The following HIBCH variants were observed in gnomAD, a reference collection of about 807,000 sequenced individuals.
The protein encoded by HIBCH is 3-hydroxyisobutyryl-CoA hydrolase, mitochondrial.
Under a neutral mutation model 58.2 loss-of-function variants are expected in HIBCH, and 50 were observed. The ratio of observed to expected loss-of-function variants is 0.86; its 90% CI spans 0.68 to 1.09. The LOEUF (loss-of-function observed/expected upper bound fraction) is 1.09. Ranked by LOEUF, HIBCH falls within the 50% of genes least tolerant of loss-of-function variation. The pLI, the probability that HIBCH is intolerant of heterozygous loss-of-function variation, is 0.00. For missense variants in HIBCH, 450 were observed against 449.7 expected, an observed-to-expected ratio of 1.00 and a Z score of -0.01; for synonymous variants, 151 against 146.9, an observed-to-expected ratio of 1.03 and a Z score of -0.20.
At chr2:190,308,966 C>T (rs1013991959) in intron 2 of HIBCH, among the ~76,000 whole-genome samples, 2 of 152,238 alleles carry the variant, frequency 1.3e-5, no homozygotes, top group Non-Finnish European at 2.9e-5. Context: ...TGTTACTTAG[C>T]CTCCCTGTCC....
chr2:190,315,177 G>T lies in HIBCH; in HGVS notation c.36-4381C>A, dbSNP rs936707030. ...TTAGCCAGCATGGTCATGATCTCCTGACTTCTTTCTTGATCCGCCCGCCTC... is the reference window on the plus strand; with the variant it reads ...TTAGCCAGCATGGTCATGATCTCCTTACTTCTTTCTTGATCCGCCCGCCTC... On this transcript the variant is annotated intron_variant, in intron 1 of 13. Transcript: ENST00000359678. The surrounding 1 kb of genome is among the most constrained non-coding windows in gnomAD (Gnocchi z 5.4). 6.6e-6 allele frequency among the ~76,000 whole-genome samples: 1 copy of T among 151,762 alleles called. No homozygotes were observed. Among genetic ancestry groups the T allele is most frequent in the Non-Finnish European group, 1.5e-5 (1 of 67,934 alleles).
At chr2:190,269,024 G>A (rs1687316405) in intron 6 of HIBCH, among the ~76,000 whole-genome samples, 1 of 152,162 alleles carries the variant, frequency 6.6e-6, no homozygotes, top group Non-Finnish European at 1.5e-5. Context: ...AAACTGGTTA[G>A]CCATGTGCAG....
chr2:190,306,826 C>T lies in HIBCH; in HGVS notation c.78+3928G>A, dbSNP rs1034036505. On this transcript the variant is annotated intron_variant, in intron 2 of 13. Coordinates refer to ENST00000359678, the MANE Select transcript of HIBCH (RefSeq NM_014362.4). The surrounding 1 kb of genome is among the most constrained non-coding windows in gnomAD (Gnocchi z 4.6). ...TGAGAGGTAATTAGGTCATGTCAGC[C>T]CTCATGAATGAGATTAACGCCCTTA... Among the ~76,000 whole-genome samples the T allele has an allele frequency of 6.6e-6, 1 of 152,054 alleles. No individual in the cohort carries two copies. The highest frequency in any genetic ancestry group is 2.4e-5 in the African/African-American group (1 of 41,396).
chr2:190,310,522 G>A (rs1443798467), intron 2 of HIBCH, among the ~76,000 whole-genome samples: 3 of 152,170 alleles, frequency 2.0e-5, no homozygotes, highest in African/African-American at 7.2e-5. Context: ...AGATTAAGTA[G>A]TGAACCCATT....
At chr2:190,287,708 C>T in intron 5 of HIBCH, 70 bp from the exon 6 acceptor site, 2 of 1,146,102 alleles carry the variant, frequency 1.7e-6, no homozygotes, top group Admixed American at 3.7e-5. Flanking sequence ...AAAAAAAAAC[C>T]CACATTATAT....
rs747515363 is a variant in HIBCH at position 190,244,952 on chromosome 2, T to C, written c.826A>G (p.Thr276Ala). Residue 276 changes from threonine to alanine, a missense_variant, in exon 11 of 14, where the codon ACT becomes GCT. By Grantham distance (58) the Thr-to-Ala change is moderately conservative. Transcript: ENST00000359678. Reference sequence around the variant, plus strand: ...AAGTTTTCAATAATTTCTTCCACAGTATTGGCTGAAAAACAACTATAAAAA... The same window carrying C: ...AAGTTTTCAATAATTTCTTCCACAGCATTGGCTGAAAAACAACTATAAAAA... ...DKINSCFSAN[T>A]VEEIIENLQQ... is the part of the protein sequence containing the mutation. 6.2e-7 allele frequency: 1 copy of C among 1,606,626 alleles called. No individual in the cohort carries two copies. Among genetic ancestry groups the C allele is most frequent in the South Asian group, 1.1e-5 (1 of 90,926 alleles).
At chr2:190,234,417 C>T (rs1686201718) in intron 11 of HIBCH, among the ~76,000 whole-genome samples, 1 of 152,134 alleles carries the variant, frequency 6.6e-6, no homozygotes, top group African/African-American at 2.4e-5. Context: ...AAATGTCCAA[C>T]AGTAGAAATG....
intron 7 of HIBCH, among the ~76,000 whole-genome samples, chr2:190,259,842 C>A (rs993438386): frequency 3.9e-5 from 6 of 152,128 alleles, no homozygotes; most frequent in South Asian, 4.1e-4. Context: ...TTATTTCTTT[C>A]TCTTGCCTAA....
intron 11 of HIBCH, among the ~76,000 whole-genome samples, chr2:190,241,988 T>C (rs1387953611): frequency 2.0e-5 from 3 of 152,154 alleles, no homozygotes; most frequent in Non-Finnish European, 4.4e-5. Context: ...TCTCTGTATT[T>C]CCTGAATTTG....
intron 6 of HIBCH, among the ~76,000 whole-genome samples, chr2:190,261,683 C>CTAGCT (rs1477509807): frequency 6.6e-6 from 1 of 152,170 alleles, no homozygotes; most frequent in African/African-American, 2.4e-5. Flanking sequence ...ATCACCTGGC[C>CTAGCT]TAGCTGACCT....
At chr2:190,266,197 C>A (rs1384452251) in intron 6 of HIBCH, among the ~76,000 whole-genome samples, 1 of 152,104 alleles carries the variant, frequency 6.6e-6, no homozygotes, top group Non-Finnish European at 1.5e-5. Flanking sequence ...GTTTCATACA[C>A]ACATGAAATG....
chr2:190,314,371 GTA>G (rs1352354099), intron 1 of HIBCH, among the ~76,000 whole-genome samples: 6 of 78,440 alleles, frequency 7.6e-5, no homozygotes, highest in East Asian at 4.7e-4. Context: ...ATATATATAC[GTA>G]TATATGTGTA....
At chr2:190,308,876 C>A (rs1349572652) in intron 2 of HIBCH, among the ~76,000 whole-genome samples, 1 of 152,068 alleles carries the variant, frequency 6.6e-6, no homozygotes, top group Admixed American at 6.5e-5. Flanking sequence ...GGCTATAGGG[C>A]GTACAAAGTA....
intron 1 of HIBCH, among the ~76,000 whole-genome samples, chr2:190,319,085 C>G (rs1463054468): frequency 6.6e-6 from 1 of 152,140 alleles, no homozygotes; most frequent in African/African-American, 2.4e-5. Flanking sequence ...AGTACAGGGC[C>G]AGGCAGTGGG....
intron 3 of HIBCH, among the ~76,000 whole-genome samples, chr2:190,296,204 A>G (rs1688099915): frequency 1.3e-5 from 2 of 152,122 alleles, no homozygotes; most frequent in Admixed American, 6.5e-5. Flanking sequence ...ATAGATCACA[A>G]AGTCAGGAGA....
chr2:190,225,217 A>C (rs1386335406), intron 11 of HIBCH, among the ~76,000 whole-genome samples: 1 of 152,230 alleles, frequency 6.6e-6, no homozygotes, highest in Non-Finnish European at 1.5e-5. Flanking sequence ...GAACTAGAGA[A>C]GCAAGAACAA....
At chr2:190,292,070 C>T (rs904071091) in intron 4 of HIBCH, among the ~76,000 whole-genome samples, 1 of 152,186 alleles carries the variant, frequency 6.6e-6, no homozygotes. Context: ...GCAACCTCCA[C>T]CTCCCAGGTT....
intron 6 of HIBCH, among the ~76,000 whole-genome samples, chr2:190,282,138 T>G (rs1024373131): frequency 4.6e-5 from 7 of 152,338 alleles, no homozygotes; most frequent in Non-Finnish European, 7.4e-5. Flanking sequence ...CCAAATTCTT[T>G]CAAGTGTCTA....
rs1251152090 is a variant in HIBCH at position 190,211,843 on chromosome 2, C to G, written c.1011+1113G>C. On this transcript the variant is annotated intron_variant, in intron 12 of 13. Transcript: ENST00000359678. This position sits in a 1 kb window ranked among gnomAD's most constrained non-coding sequence, Gnocchi z 5.0. ...ATAAGGCTAACACTGAGCACAGTGC[C>G]TGGGACATAGCTAACATATTTGCTG... Among the ~76,000 whole-genome samples the G allele has an allele frequency of 6.6e-6, 1 of 152,180 alleles. No individual in the cohort carries two copies. The highest frequency in any genetic ancestry group is 1.5e-5 in the Non-Finnish European group (1 of 68,032).
Sources: allele counts gnomAD v4.1 joint callset (sites outside exome capture counted in the v4.1 genomes callset), GRCh38; gene constraint gnomAD v4.1.1; non-coding constraint Gnocchi (gnomAD v3.1); transcripts MANE v1.5; gene names NCBI Gene and HGNC (gene_info 2026-07-23, HGNC 2026-07-21).